RBFOX1: variants seen among roughly 807,000 people sequenced by gnomAD.
The protein encoded by RBFOX1 is RNA binding fox-1 homolog 1.
RBFOX1 carries 8 observed loss-of-function variants against 57.7 expected under a neutral mutation model. The observed-to-expected ratio is 0.14, with a 90% CI of 0.08 to 0.25. RBFOX1 has a LOEUF of 0.25. RBFOX1 is among the 10% of genes least tolerant of loss of function. The pLI is 1.00. For missense variants in RBFOX1, 611 were observed against 548.5 expected, an observed-to-expected ratio of 1.11 and a Z score of -1.14; for synonymous variants, 326 against 222.4, an observed-to-expected ratio of 1.47 and a Z score of -4.15.
chr16:6,131,016 C>T (rs531396870), intron 1 of RBFOX1, among the ~76,000 whole-genome samples: 3 of 152,142 alleles, frequency 2.0e-5, no homozygotes, highest in Admixed American at 6.6e-5. Context: ...GGATGAATCT[C>T]ATATACATTA....
chr16:5,249,549 G>A (rs2062392563), intron 1 of RBFOX1, among the ~76,000 whole-genome samples: 1 of 152,234 alleles, frequency 6.6e-6, no homozygotes, highest in Non-Finnish European at 1.5e-5. Flanking sequence ...CCTGCCTTCT[G>A]CCTTTCCTGC....
At chr16:7,035,806 T>C (rs964500057) in intron 3 of RBFOX1, among the ~76,000 whole-genome samples, 9 of 152,080 alleles carry the variant, frequency 5.9e-5, no homozygotes, top group African/African-American at 1.9e-4. Context: ...GTTGGGGGTT[T>C]TAAGAGTTCA....
intron 3 of RBFOX1, among the ~76,000 whole-genome samples, chr16:6,912,580 T>G (rs1024500046): frequency 1.3e-5 from 2 of 151,058 alleles, no homozygotes; most frequent in African/African-American, 4.9e-5. Flanking sequence ...ACTTTTTCTT[T>G]CTTGCTTTCT....
intron 3 of RBFOX1, among the ~76,000 whole-genome samples, chr16:5,623,583 T>TTTTTTTTTTTTTTTTTTTTTTTTTTTTTG (rs1555485891): frequency 6.6e-6 from 1 of 152,130 alleles, no homozygotes; most frequent in African/African-American, 2.4e-5. Flanking sequence ...ACTGCTTTCT[T>TTTTTTTTTTTTTTTTTTTTTTTTTTTTTG]AAAGCCTCTG....
chr16:5,574,298 A>T (rs1260554682), intron 2 of RBFOX1, among the ~76,000 whole-genome samples: 1 of 152,152 alleles, frequency 6.6e-6, no homozygotes, highest in African/African-American at 2.4e-5. Flanking sequence ...TGAGGATCTG[A>T]TTGTGCTGTA....
chr16:7,519,777 T>C lies in RBFOX1; in HGVS notation c.270+1388T>C, dbSNP rs370755284. On this transcript the variant is annotated intron_variant, in intron 5 of 15. Coordinates refer to ENST00000550418, the MANE Select transcript of RBFOX1 (RefSeq NM_018723.4). Reference sequence around the variant, plus strand: ...GGAAAGCAAGTATTTGTGAAGGAGTTTATGGCTTTGAAGCATGATACATTT... The same window carrying C: ...GGAAAGCAAGTATTTGTGAAGGAGTCTATGGCTTTGAAGCATGATACATTT... 19 of 926,640 alleles carry C rather than the reference T, an allele frequency of 2.1e-5. No homozygotes were observed. In the East Asian group the frequency reaches 7.1e-4, roughly 34 times the overall value. The allele number at this position is 926,640 out of a possible 1,614,324, so 57.4% of individuals were successfully genotyped here. A position where few individuals can be genotyped will look rare whatever the true frequency, so the allele number is the denominator to read the frequency against.
intron 11 of RBFOX1, among the ~76,000 whole-genome samples, chr16:7,646,910 C>T (rs2063844367): frequency 6.6e-6 from 1 of 152,084 alleles, no homozygotes; most frequent in Non-Finnish European, 1.5e-5. Context: ...ACTGTAAATA[C>T]ATTGAGTGCA....
Position 7,409,857 on chromosome 16 carries a change from A to C in RBFOX1, c.28-108290A>C, listed in dbSNP as rs115370744. Among the ~76,000 whole-genome samples the C allele has an allele frequency of 4.4e-3, 676 of 152,284 alleles. 5 individuals are homozygous for C. The highest frequency in any genetic ancestry group is 0.015 in the African/African-American group (640 of 41,566). ...TGCTTTGATATGGCAGAGGCTGGGCAATGAAGAAATTGAAGTGTGGAAAAA... is the reference window on the plus strand; with the variant it reads ...TGCTTTGATATGGCAGAGGCTGGGCCATGAAGAAATTGAAGTGTGGAAAAA... On this transcript the variant is annotated intron_variant, in intron 4 of 15. Coordinates refer to ENST00000550418, the MANE Select transcript of RBFOX1 (RefSeq NM_018723.4).
chr16:7,642,729 T>C (rs769195095), intron 11 of RBFOX1, among the ~76,000 whole-genome samples: 1 of 152,184 alleles, frequency 6.6e-6, no homozygotes, highest in Non-Finnish European at 1.5e-5. Flanking sequence ...ACAACATGGT[T>C]ATCAGTACAG....
At chr16:6,588,891 G>A (rs1188932853) in intron 2 of RBFOX1, among the ~76,000 whole-genome samples, 1 of 152,148 alleles carries the variant, frequency 6.6e-6, no homozygotes, top group Admixed American at 6.5e-5. Context: ...CATGATGTGT[G>A]GCAGTAAAGT....
At chr16:7,663,592 A>G (rs990166418) in intron 12 of RBFOX1, among the ~76,000 whole-genome samples, 1 of 152,138 alleles carries the variant, frequency 6.6e-6, no homozygotes, top group Non-Finnish European at 1.5e-5. Flanking sequence ...ATTCTGCTAC[A>G]GAAACCTGCT....
intron 3 of RBFOX1, among the ~76,000 whole-genome samples, chr16:5,720,448 C>T (rs751364574): frequency 6.6e-6 from 1 of 152,140 alleles, no homozygotes; most frequent in Non-Finnish European, 1.5e-5. Flanking sequence ...TTTTGTTAAT[C>T]GCAATGAACC....
intron 3 of RBFOX1, among the ~76,000 whole-genome samples, chr16:6,829,967 A>AGTGCAGTG (rs1286467347): frequency 3.3e-5 from 5 of 151,416 alleles, no homozygotes; most frequent in Non-Finnish European, 5.9e-5. Flanking sequence ...CCCAGGCTGG[A>AGTGCAGTG]GTGCAGTGGT....
chr16:6,087,991 T>TTG (rs2096114128), intron 1 of RBFOX1, among the ~76,000 whole-genome samples: 1 of 151,904 alleles, frequency 6.6e-6, no homozygotes. Flanking sequence ...GTGTGTGTGT[T>TTG]TGTGTGTGTG....
At chr16:6,416,313 C>T (rs550898169) in intron 2 of RBFOX1, among the ~76,000 whole-genome samples, 2 of 152,272 alleles carry the variant, frequency 1.3e-5, no homozygotes, top group African/African-American at 2.4e-5. Context: ...AATCACCCGA[C>T]AGTTTAGATA....
intron 5 of RBFOX1, among the ~76,000 whole-genome samples, chr16:7,574,369 T>C (rs537128048): frequency 5.9e-5 from 9 of 152,308 alleles, no homozygotes; most frequent in African/African-American, 1.2e-4. Context: ...TTAAGGAGTA[T>C]TGACTCACAC....
chr16:6,952,154 G>A (rs564730837), intron 3 of RBFOX1, among the ~76,000 whole-genome samples: 24 of 152,220 alleles, frequency 1.6e-4, no homozygotes, highest in South Asian at 2.1e-4. Flanking sequence ...GCACATAGTC[G>A]TTGTGAAGGC....
chr16:7,478,226 T>C (rs1599461523), intron 4 of RBFOX1, among the ~76,000 whole-genome samples: 1 of 152,226 alleles, frequency 6.6e-6, no homozygotes, highest in Non-Finnish European at 1.5e-5. Flanking sequence ...CTTCATGTAA[T>C]GTAGTCTTCC....
intron 4 of RBFOX1, among the ~76,000 whole-genome samples, chr16:7,268,421 G>T (rs2095231322): frequency 6.6e-6 from 1 of 152,158 alleles, no homozygotes; most frequent in African/African-American, 2.4e-5. Flanking sequence ...TGAGTTACTT[G>T]CTCTCTGGGA....
Sources: allele counts gnomAD v4.1 joint callset (sites outside exome capture counted in the v4.1 genomes callset), GRCh38; gene constraint gnomAD v4.1.1; transcripts MANE v1.5; gene names NCBI Gene and HGNC (gene_info 2026-07-23, HGNC 2026-07-21).